KIAA0753: variants seen among roughly 807,000 people sequenced by gnomAD.
KIAA0753 encodes protein moonraker.
Under a neutral mutation model 116.9 loss-of-function variants are expected in KIAA0753, and 114 were observed. That is an observed-to-expected ratio of 0.98 (90% confidence interval 0.84 to 1.14). The LOEUF (loss-of-function observed/expected upper bound fraction) is 1.14, where lower values mean the gene tolerates loss of function less well. Among genes scored for constraint, KIAA0753 ranks in the 50% most tolerant of loss-of-function variants. KIAA0753 has a pLI of 0.00. For missense variants in KIAA0753, 1,156 were observed against 1,172.4 expected, an observed-to-expected ratio of 0.99 and a Z score of 0.20; for synonymous variants, 405 against 413.1, an observed-to-expected ratio of 0.98 and a Z score of 0.24.
At chr17:6,626,439 T>TA (rs765982915) in intron 3 of KIAA0753, among the ~76,000 whole-genome samples, 1 of 152,210 alleles carries the variant, frequency 6.6e-6, no homozygotes, top group Non-Finnish European at 1.5e-5. Context: ...CAAGAGACCC[T>TA]ATATGTCTAA....
chr17:6,581,883 T>C (rs553266036), intron 18 of KIAA0753, among the ~76,000 whole-genome samples: 142 of 152,330 alleles, frequency 9.3e-4, no homozygotes, highest in African/African-American at 3.3e-3. Context: ...AGGCTTATCT[T>C]ACATTTTTCC....
At position 6,590,580 on chromosome 17, in the gene KIAA0753, T is replaced by C. The variant is rs557216173; in HGVS notation, c.2491A>G (p.Arg831Gly). The change falls in exon 17 of 19, where the codon AGA (arginine) becomes GGA (glycine). Residue 831 changes from arginine (R) to glycine (G), a missense_variant. Arg to Gly is a moderately radical substitution (Grantham distance 125). Coordinates refer to ENST00000361413, the MANE Select transcript of KIAA0753 (RefSeq NM_014804.3). ...TTGCGATCCACTGTCTTCGTGATTC[T>C]GATTGGATGAGGAGATAGAGGCTTT... ...SEKPLSPHPI[R>G]ITKTVDRKDP... 1 of 1,614,078 alleles carries C rather than the reference T, an allele frequency of 6.2e-7. No individual in the cohort carries two copies. Among genetic ancestry groups the C allele is most frequent in the South Asian group, 1.1e-5 (1 of 91,078 alleles).
intron 18 of KIAA0753, among the ~76,000 whole-genome samples, chr17:6,580,499 G>T (rs945152964): frequency 6.7e-6 from 1 of 150,250 alleles, no homozygotes; most frequent in Non-Finnish European, 1.5e-5. Context: ...TATTTTTTTA[G>T]TAGAGATGGG....
intron 9 of KIAA0753, 135 bp from the exon 10 acceptor site, chr17:6,608,599 G>T: frequency 2.2e-6 from 1 of 455,526 alleles, no homozygotes. Flanking sequence ...TACAGTAGAA[G>T]CTGAATGTGA....
At chr17:6,634,683 A>G in intron 2 of KIAA0753, 1 of 204,652 alleles carries the variant, frequency 4.9e-6, no homozygotes, top group Non-Finnish European at 1.0e-5. Context: ...GTAAAGCTGA[A>G]TAAAGACTGG....
At chr17:6,596,976 T>A (rs1366749335) in intron 14 of KIAA0753, among the ~76,000 whole-genome samples, 1 of 152,242 alleles carries the variant, frequency 6.6e-6, no homozygotes, top group Non-Finnish European at 1.5e-5. Context: ...GGGAATTAAT[T>A]ATATCAGGCA....
At chr17:6,599,486 C>T (rs777398836) in intron 13 of KIAA0753, among the ~76,000 whole-genome samples, 166 bp from the exon 14 acceptor site, 1 of 152,222 alleles carries the variant, frequency 6.6e-6, no homozygotes, top group East Asian at 1.9e-4. Flanking sequence ...GAAACAAATG[C>T]CATGTGTTGA....
intron 7 of KIAA0753, among the ~76,000 whole-genome samples, chr17:6,613,648 C>A: frequency 6.6e-6 from 1 of 151,828 alleles, no homozygotes; most frequent in East Asian, 1.9e-4. Flanking sequence ...CTGAATTGTT[C>A]AAAAAACAGT....
chr17:6,622,963 G>C lies in KIAA0753; in HGVS notation c.1023C>G (p.Arg341=). ...GCTTGACAGAACAAAGTGAAAGCTG[G>C]CGAATAAGGCTGCCCAGTTCCTTAC... The part of the protein sequence containing the change: ...ARCKELGSLI[R]QLSLCSVKLD... Residue 341 remains arginine (R), a synonymous_variant, in exon 6 of 19, where the codon CGC becomes CGG. Coordinates refer to ENST00000361413, the MANE Select transcript of KIAA0753 (RefSeq NM_014804.3). The C allele has an allele frequency of 6.2e-7, 1 of 1,614,168 alleles. No homozygotes were observed. The highest frequency in any genetic ancestry group is 8.5e-7 in the Non-Finnish European group (1 of 1,180,022).
chr17:6,620,683 G>T, intron 7 of KIAA0753, 105 bp downstream of exon 7: 1 of 1,068,654 alleles, frequency 9.4e-7, no homozygotes, highest in South Asian at 1.3e-5. Context: ...CATCTGTTGT[G>T]GGCTAGGTCC....
Position 6,596,246 on chromosome 17 carries a change from A to G in KIAA0753, c.2270T>C (p.Ile757Thr). 6.2e-7 allele frequency: 1 copy of G among 1,613,818 alleles called. No individual in the cohort carries two copies. The highest frequency in any genetic ancestry group is 8.5e-7 in the Non-Finnish European group (1 of 1,179,854). Residue 757 changes from isoleucine to threonine, a missense_variant, in exon 15 of 19, where the codon ATC (isoleucine) becomes ACC (threonine). Transcript: ENST00000361413. Reference protein sequence around the residue: ...SELWAVTHAKILGSETLATVE... With the variant: ...SELWAVTHAKTLGSETLATVE... Reference sequence around the variant, plus strand: ...GGTGGCTAAGGTTTCAGACCCCAAGATCTTAGCATGAGTCACAGCCCAGAG... The same window carrying G: ...GGTGGCTAAGGTTTCAGACCCCAAGGTCTTAGCATGAGTCACAGCCCAGAG...
At position 6,635,180 on chromosome 17, in the gene KIAA0753, A is replaced by C. The variant is rs182386526; in HGVS notation, c.-68-9T>G. 5.5e-6 allele frequency: 6 copies of C among 1,087,618 alleles called. No homozygotes were observed. In the East Asian group the frequency reaches 1.4e-4, roughly 26 times the overall value. 67.4% of individuals were successfully genotyped at this position (1,087,618 alleles called of 1,614,324 possible). ...CTTCCCTAAAACCATTCCTAAAACGAAACAAAGCTACTTCAGACCAACAGC... is the reference window on the plus strand; with the variant it reads ...CTTCCCTAAAACCATTCCTAAAACGCAACAAAGCTACTTCAGACCAACAGC... On this transcript the variant is annotated splice_polypyrimidine_tract_variant and intron_variant, in intron 1 of 18. Transcript: ENST00000361413.
At chr17:6,615,303 G>T (rs553399892) in intron 7 of KIAA0753, among the ~76,000 whole-genome samples, 5 of 152,112 alleles carry the variant, frequency 3.3e-5, no homozygotes, top group African/African-American at 1.2e-4. Flanking sequence ...TAGCTGTCTT[G>T]GTGATCACAG....
At chr17:6,617,478 C>G (rs1971009184) in intron 7 of KIAA0753, among the ~76,000 whole-genome samples, 1 of 152,120 alleles carries the variant, frequency 6.6e-6, no homozygotes, top group Non-Finnish European at 1.5e-5. Context: ...GTCTCTAGCC[C>G]AGTTTCTGGC....
intron 14 of KIAA0753, among the ~76,000 whole-genome samples, chr17:6,597,185 ACACT>A (rs1969543166): frequency 6.6e-6 from 1 of 152,254 alleles, no homozygotes; most frequent in Non-Finnish European, 1.5e-5. Flanking sequence ...ATGAAATAAG[ACACT>A]CAATGAATGG....
chr17:6,637,483 G>A (rs917032598), intron 1 of KIAA0753: 1 of 152,630 alleles, frequency 6.6e-6, no homozygotes, highest in African/African-American at 2.4e-5. Flanking sequence ...GGGAGCTGTG[G>A]GCACTCCCAC....
At chr17:6,605,963 G>A (rs954386247) in intron 12 of KIAA0753, among the ~76,000 whole-genome samples, 2 of 152,214 alleles carry the variant, frequency 1.3e-5, no homozygotes, top group African/African-American at 2.4e-5. Context: ...GTGGGTAAGA[G>A]TCACAGAGAA....
In KIAA0753 at chr17:6,586,079, G is replaced by A. The variant is rs1968554513; in HGVS notation, c.2786+3700C>T. On this transcript the variant is annotated intron_variant, in intron 18 of 18. Transcript: ENST00000361413. ...TTTGGTGCTGTCTTTCTTCATGATA[G>A]TGAGTTCTCATGAGATCTGGTCATT... Among the ~76,000 whole-genome samples the A allele has an allele frequency of 3.9e-5, 6 of 152,256 alleles. No homozygotes were observed. The South Asian group carries it at 1.2e-3, about 32-fold the overall frequency.
chr17:6,587,219 G>C (rs138004825), intron 18 of KIAA0753, among the ~76,000 whole-genome samples: 25 of 152,142 alleles, frequency 1.6e-4, no homozygotes, highest in African/African-American at 5.8e-4. Flanking sequence ...GTGACAGAGT[G>C]AGACTCCATC....
Sources: gnomAD v4.1 joint callset for allele counts (sites outside exome capture counted in the v4.1 genomes callset) on GRCh38, gnomAD v4.1.1 for gene constraint, MANE v1.5 for transcripts, NCBI Gene and HGNC (gene_info 2026-07-23, HGNC 2026-07-21) for gene names.